CLSTN2: variants seen among roughly 807,000 people sequenced by gnomAD.
CLSTN2 encodes the protein calsyntenin-2.
CLSTN2 carries 48 observed loss-of-function variants against 101.2 expected under a neutral mutation model. The observed-to-expected ratio is 0.47, with a 90% confidence interval of 0.38 to 0.60. The LOEUF (loss-of-function observed/expected upper bound fraction) is 0.60, where lower values mean the gene tolerates loss of function less well. CLSTN2 is among the 20% of genes least tolerant of loss of function. The pLI is 0.00. For missense variants in CLSTN2, 1,160 were observed against 1,238.2 expected, an observed-to-expected ratio of 0.94 and a Z score of 0.95; for synonymous variants, 481 against 463.6, an observed-to-expected ratio of 1.04 and a Z score of -0.48.
intron 1 of CLSTN2, among the ~76,000 whole-genome samples, chr3:140,131,503 A>T (rs912400906): frequency 1.3e-5 from 2 of 152,122 alleles, no homozygotes; most frequent in African/African-American, 4.8e-5. Context: ...CCCTTTCTAT[A>T]GTATTCTGAC....
At chr3:140,124,941 G>A (rs2009405723) in intron 1 of CLSTN2, among the ~76,000 whole-genome samples, 1 of 152,220 alleles carries the variant, frequency 6.6e-6, no homozygotes, top group Admixed American at 6.5e-5. Flanking sequence ...TAGGGCCATA[G>A]GAGAAGGAAA....
intron 2 of CLSTN2, among the ~76,000 whole-genome samples, chr3:140,273,945 T>A (rs534426468): frequency 6.6e-6 from 1 of 152,118 alleles, no homozygotes; most frequent in Non-Finnish European, 1.5e-5. Context: ...GGATGTTTGA[T>A]AGTTGAACGC....
Position 140,421,065 on chromosome 3 carries a change from G to A in CLSTN2, c.638-60G>A, listed in dbSNP as rs2088499136. On this transcript the variant is annotated intron_variant, in intron 4 of 16. Transcript: ENST00000458420. ...GTGGGTGGAGTGGAGAAGAGATTTG[G>A]GAGAAGTACAAGTGCAGTTAAATTG... 3.2e-6 allele frequency: 5 copies of A among 1,546,998 alleles called. No individual in the cohort carries two copies. The South Asian group carries it at 3.5e-5, about 11-fold the overall frequency.
chr3:140,531,584 G>A (rs370043268), intron 8 of CLSTN2, among the ~76,000 whole-genome samples: 37 of 152,192 alleles, frequency 2.4e-4, no homozygotes, highest in African/African-American at 7.9e-4. Context: ...TAGAGGGAGC[G>A]TGAAGGAGAG....
At chr3:140,230,415 TA>T (rs1469507358) in intron 2 of CLSTN2, among the ~76,000 whole-genome samples, 2 of 152,368 alleles carry the variant, frequency 1.3e-5, no homozygotes, top group African/African-American at 2.4e-5. Flanking sequence ...ATATGGCCTG[TA>T]TGTTCTGAAT....
chr3:140,326,683 A>G (rs761141220), intron 2 of CLSTN2, among the ~76,000 whole-genome samples: 10 of 152,192 alleles, frequency 6.6e-5, no homozygotes, highest in African/African-American at 7.2e-5. Flanking sequence ...TTGTCCTGCT[A>G]TCTCCTGAAA....
chr3:140,376,637 T>C (rs959366390), intron 2 of CLSTN2, among the ~76,000 whole-genome samples: 3 of 152,244 alleles, frequency 2.0e-5, no homozygotes, highest in African/African-American at 7.2e-5. Flanking sequence ...CACAACATGT[T>C]GCATAGGGTT....
chr3:140,209,128 T>C (rs1019204489), intron 2 of CLSTN2, among the ~76,000 whole-genome samples: 2 of 152,350 alleles, frequency 1.3e-5, no homozygotes, highest in African/African-American at 4.8e-5. Context: ...TCTCAGATTT[T>C]TTAAACCTGG....
intron 1 of CLSTN2, among the ~76,000 whole-genome samples, chr3:140,155,658 T>G (rs370581644): frequency 6.6e-6 from 1 of 152,210 alleles, no homozygotes; most frequent in East Asian, 1.9e-4. Context: ...TGATCCTGTT[T>G]GCTTGGTGCA....
chr3:140,358,847 G>T (rs534212242), intron 2 of CLSTN2, among the ~76,000 whole-genome samples: 1 of 152,058 alleles, frequency 6.6e-6, no homozygotes, highest in African/African-American at 2.4e-5. Context: ...CGGATTTGTA[G>T]GTAACAATGC....
chr3:140,488,794 C>G (rs149208169), intron 8 of CLSTN2, among the ~76,000 whole-genome samples: 1 of 151,752 alleles, frequency 6.6e-6, no homozygotes, highest in East Asian at 1.9e-4. Flanking sequence ...ACCATTTGCA[C>G]TAAAAGATTC....
intron 9 of CLSTN2, among the ~76,000 whole-genome samples, chr3:140,537,586 G>C (rs1361746493): frequency 6.6e-6 from 1 of 152,120 alleles, no homozygotes; most frequent in Admixed American, 6.5e-5. Context: ...ACAATATTCA[G>C]GATGGAGGCA....
intron 1 of CLSTN2, among the ~76,000 whole-genome samples, chr3:140,045,411 C>T (rs2007855472): frequency 6.6e-6 from 1 of 152,058 alleles, no homozygotes; most frequent in African/African-American, 2.4e-5. Flanking sequence ...TGATTCTTCT[C>T]TCTTTTCTTT....
chr3:140,561,811 C>T (rs1344594548), intron 12 of CLSTN2, among the ~76,000 whole-genome samples: 4 of 152,124 alleles, frequency 2.6e-5, no homozygotes, highest in Non-Finnish European at 4.4e-5. Flanking sequence ...AAGACCCTTG[C>T]CTGCCTTATA....
chr3:140,447,203 A>T (rs950481060), intron 5 of CLSTN2, among the ~76,000 whole-genome samples: 6 of 152,230 alleles, frequency 3.9e-5, no homozygotes, highest in African/African-American at 1.4e-4. Flanking sequence ...CAGCAAAGGG[A>T]TATCATCTAG....
At chr3:140,051,455 C>G (rs116207597) in intron 1 of CLSTN2, among the ~76,000 whole-genome samples, 1 of 152,196 alleles carries the variant, frequency 6.6e-6, no homozygotes, top group Admixed American at 6.5e-5. Context: ...TCCTAAACAT[C>G]TCTCTCCTTA....
chr3:140,135,117 C>CATACACAT (rs2009593658), intron 1 of CLSTN2, among the ~76,000 whole-genome samples: 1 of 58,104 alleles, frequency 1.7e-5, no homozygotes, highest in Non-Finnish European at 3.0e-5. Context: ...CACACACACA[C>CATACACAT]ATATATATAT....
chr3:140,060,990 G>A (rs1352899954), intron 1 of CLSTN2, among the ~76,000 whole-genome samples: 1 of 152,160 alleles, frequency 6.6e-6, no homozygotes, highest in African/African-American at 2.4e-5. Flanking sequence ...ACCAGACATA[G>A]GGTCAGAGCG....
chr3:140,225,917 T>TAA (rs755515327), intron 2 of CLSTN2, among the ~76,000 whole-genome samples: 17 of 151,424 alleles, frequency 1.1e-4, no homozygotes, highest in African/African-American at 7.3e-5. Context: ...TGATTTTTTT[T>TAA]AAAAAAAAAA....
Sources: gnomAD v4.1 joint callset for allele counts (sites outside exome capture counted in the v4.1 genomes callset) on GRCh38, gnomAD v4.1.1 for gene constraint, MANE v1.5 for transcripts, NCBI Gene and HGNC (gene_info 2026-07-23, HGNC 2026-07-21) for gene names.